Variants in REXO5 observed in about 807,000 individuals in gnomAD.
REXO5 encodes the protein exonuclease NEF-sp.
Under a neutral mutation model 88.5 loss-of-function variants are expected in REXO5, and 48 were observed. The ratio of observed to expected loss-of-function variants is 0.54; its 90% CI spans 0.43 to 0.69. REXO5 has a LOEUF of 0.69. Among genes scored for constraint, REXO5 ranks in the 30% least tolerant of loss-of-function variants. REXO5 has a pLI of 0.00. For missense variants in REXO5, 749 were observed against 912.2 expected (o/e 0.82, Z 2.30); for synonymous variants, 311 against 336.5 (o/e 0.92, Z 0.83).
intron 11 of REXO5, among the ~76,000 whole-genome samples, chr16:20,830,242 A>C (rs1319446158): frequency 3.9e-5 from 6 of 152,014 alleles, no homozygotes; most frequent in African/African-American, 1.4e-4. Flanking sequence ...GCTGGAGTGC[A>C]GTGGTGCGAT....
chr16:20,812,705 C>T (rs922362810), intron 2 of REXO5, among the ~76,000 whole-genome samples: 2 of 152,162 alleles, frequency 1.3e-5, no homozygotes, highest in Non-Finnish European at 2.9e-5. Flanking sequence ...ATCCTGGCTC[C>T]TTGCCAAACC....
intron 5 of REXO5, among the ~76,000 whole-genome samples, chr16:20,820,465 T>C (rs2081152158): frequency 7.0e-6 from 1 of 141,882 alleles, no homozygotes; most frequent in Admixed American, 7.3e-5. Context: ...TAGCATCTAC[T>C]TATCTGTGTA....
intron 13 of REXO5, among the ~76,000 whole-genome samples, chr16:20,834,870 A>G (rs766215755): frequency 6.6e-6 from 1 of 152,214 alleles, no homozygotes; most frequent in Non-Finnish European, 1.5e-5. Context: ...ATTTCAGAAT[A>G]TAGTTACAAT....
chr16:20,842,004 T>A (rs2081535312), intron 15 of REXO5, among the ~76,000 whole-genome samples: 1 of 152,142 alleles, frequency 6.6e-6, no homozygotes, highest in Non-Finnish European at 1.5e-5. Context: ...GACTATAACA[T>A]CTTCCTTTCT....
chr16:20,831,501 A>G (rs2081344316), intron 11 of REXO5, among the ~76,000 whole-genome samples: 1 of 152,178 alleles, frequency 6.6e-6, no homozygotes, highest in South Asian at 2.1e-4. Context: ...GCACCATACA[A>G]ATCTATTACT....
At position 20,849,547 on chromosome 16, in the gene REXO5, G is replaced by C; in HGVS notation, c.*67G>C. The C allele has an allele frequency of 7.2e-7, 1 of 1,398,524 alleles. No homozygotes were observed. Among genetic ancestry groups the C allele is most frequent in the South Asian group, 1.2e-5 (1 of 85,860 alleles). 86.6% of individuals were successfully genotyped at this position (1,398,524 alleles called of 1,614,324 possible). ...TAGGCAATGGCAAAGAATGTGGTCAGGCTGTAGCCTCCCCAACCAGCAGAC... is the reference window on the plus strand; with the variant it reads ...TAGGCAATGGCAAAGAATGTGGTCACGCTGTAGCCTCCCCAACCAGCAGAC... On this transcript the variant is annotated 3_prime_UTR_variant, in exon 20 of 20. Coordinates refer to ENST00000261377, the MANE Select transcript of REXO5 (RefSeq NM_030941.3).
rs759670935 is a variant in REXO5, at chr16:20,826,858, C to T, written c.822-200C>T. The stretch of plus-strand genomic sequence containing the variant: ...CTGAATCTATATCAAAAGTATGGAA[C>T]GACATTTACTAAAATGTAAAAAAGC... On this transcript the variant is annotated intron_variant, in intron 8 of 19. Coordinates refer to ENST00000261377, the MANE Select transcript of REXO5 (RefSeq NM_030941.3). Among the ~76,000 whole-genome samples the T allele has an allele frequency of 3.9e-4, 60 of 151,972 alleles. 1 individual carries two copies. The highest frequency in any genetic ancestry group is 2.1e-4 in the South Asian group (1 of 4,820).
At position 20,824,499 on chromosome 16, in the gene REXO5, G is replaced by A. The variant is rs1222556120; in HGVS notation, c.677G>A (p.Ser226Asn). Residue 226 changes from serine to asparagine, a missense_variant, in exon 7 of 20, where the codon AGT (serine) becomes AAT (asparagine). Coordinates refer to ENST00000261377, the MANE Select transcript of REXO5 (RefSeq NM_030941.3). ...TKCNGSIADN[S>N]PLFGLDCEMC... ...TGTAATGGTTCTATAGCAGACAATA[G>A]TCCTCTCTTTGGACTTGACTGTGAA... 8 of 1,611,250 alleles carry A rather than the reference G, an allele frequency of 5.0e-6. No homozygotes were observed. Among genetic ancestry groups the A allele is most frequent in the Non-Finnish European group, 2.5e-6 (3 of 1,177,938 alleles).
chr16:20,839,082 G>A (rs561616816), intron 13 of REXO5, among the ~76,000 whole-genome samples: 1 of 152,302 alleles, frequency 6.6e-6, no homozygotes, highest in South Asian at 2.1e-4. Context: ...AAGCTTCCTA[G>A]TTCTCCATTT....
chr16:20,806,797 TA>T (rs1468049929), intron 1 of REXO5, 92 bp downstream of exon 1: 1 of 1,265,566 alleles, frequency 7.9e-7, no homozygotes, highest in East Asian at 2.6e-5. Context: ...TTCGCTTTTT[TA>T]GGGGAACGGG....
At chr16:20,827,540 G>A in intron 10 of REXO5, 93 bp downstream of exon 10, 1 of 895,838 alleles carries the variant, frequency 1.1e-6, no homozygotes, top group South Asian at 1.6e-5. Context: ...AAAATTCAGG[G>A]TTTCTGCTCT....
chr16:20,835,977 T>C (rs992365798), intron 13 of REXO5, among the ~76,000 whole-genome samples: 3 of 151,772 alleles, frequency 2.0e-5, no homozygotes, highest in Non-Finnish European at 4.4e-5. Context: ...GAGGTGGAGG[T>C]TGCAGTGACT....
At chr16:20,838,599 T>G (rs192406190) in intron 13 of REXO5, among the ~76,000 whole-genome samples, 49 of 152,300 alleles carry the variant, frequency 3.2e-4, no homozygotes, top group Non-Finnish European at 6.0e-4. Context: ...TGCCTTTAGT[T>G]GTTCCCTGAG....
chr16:20,824,799 G>A (rs1211737644), intron 7 of REXO5, among the ~76,000 whole-genome samples: 1 of 152,030 alleles, frequency 6.6e-6, no homozygotes, highest in East Asian at 1.9e-4. Flanking sequence ...CATGAGGTCA[G>A]GAGATCAAGA....
intron 13 of REXO5, among the ~76,000 whole-genome samples, 173 bp downstream of exon 13, chr16:20,833,296 C>G (rs1485581611): frequency 6.6e-6 from 1 of 152,196 alleles, no homozygotes; most frequent in Non-Finnish European, 1.5e-5. Flanking sequence ...AGGGGCAGAA[C>G]TGTCAGCTGC....
chr16:20,837,168 G>A (rs910329998), intron 13 of REXO5, among the ~76,000 whole-genome samples: 1 of 152,132 alleles, frequency 6.6e-6, no homozygotes, highest in Non-Finnish European at 1.5e-5. Flanking sequence ...CTTGACTGGG[G>A]ATGGAAATCC....
intron 18 of REXO5, 45 bp from the exon 19 acceptor site, chr16:20,846,176 G>A (rs765591732): frequency 6.2e-6 from 9 of 1,455,044 alleles, no homozygotes; most frequent in Non-Finnish European, 8.7e-6. Flanking sequence ...CAAAGGTAAC[G>A]AGAGAGTGTT....
rs151188307 is a variant in REXO5, at chr16:20,846,737, T to C, written c.2243+398T>C. The stretch of plus-strand genomic sequence containing the variant: ...ACCCTTTTCCCCATTGACACCTATG[T>C]TTTAAGAGATAACAGGGCCTGGTTT... On this transcript the variant is annotated intron_variant, in intron 19 of 19. Transcript: ENST00000261377. Among the ~76,000 whole-genome samples the C allele has an allele frequency of 3.1e-4, 47 of 152,292 alleles. 1 individual carries two copies. The highest frequency in any genetic ancestry group is 1.0e-3 in the African/African-American group (42 of 41,572).
At chr16:20,811,343 T>G (rs969003380) in intron 2 of REXO5, among the ~76,000 whole-genome samples, 1 of 152,176 alleles carries the variant, frequency 6.6e-6, no homozygotes, top group African/African-American at 2.4e-5. Context: ...CCTAAGAAAG[T>G]AGATAGATGT....
Sources: allele counts gnomAD v4.1 joint callset (sites outside exome capture counted in the v4.1 genomes callset), GRCh38; gene constraint gnomAD v4.1.1; transcripts MANE v1.5; gene names NCBI Gene and HGNC (gene_info 2026-07-23, HGNC 2026-07-21).